Variants in SYNPO2 observed in about 807,000 individuals in gnomAD.
SYNPO2 encodes the protein synaptopodin-2.
A neutral mutation model predicts 85.0 loss-of-function variants in SYNPO2; 56 were observed. The observed-to-expected ratio is 0.66, with a 90% CI of 0.53 to 0.82. The LOEUF is 0.82. Ranked by LOEUF, SYNPO2 falls within the 40% of genes least tolerant of loss-of-function variation. SYNPO2 has a pLI of 0.00. For missense variants in SYNPO2, 1,575 were observed against 1,534.2 expected (o/e 1.03, Z -0.44); for synonymous variants, 602 against 591.1 (o/e 1.02, Z -0.27).
chr4:118,972,103 C>T (rs191588304), intron 1 of SYNPO2, among the ~76,000 whole-genome samples: 78 of 152,230 alleles, frequency 5.1e-4, no homozygotes, highest in Admixed American at 2.5e-3. Context: ...TTCCTCAGAA[C>T]ATAAAAGAAA....
chr4:118,886,252 T>A (rs954867857), upstream of SYNPO2, among the ~76,000 whole-genome samples: 8 of 152,100 alleles, frequency 5.3e-5, no homozygotes, highest in Non-Finnish European at 8.8e-5. Flanking sequence ...TTTTTAAAAA[T>A]TTTTACTTTA....
rs527573432 is a variant in SYNPO2, at chr4:118,893,600, T to C, written c.105+4459T>C. Among the ~76,000 whole-genome samples, 3 of 152,282 alleles carry C rather than the reference T, an allele frequency of 2.0e-5. No homozygotes were observed. In the South Asian group the frequency reaches 6.2e-4, roughly 32 times the overall value. On this transcript the variant is annotated intron_variant, in intron 1 of 4. Transcript: ENST00000307142. ...CCGAGAGGATAAAAGTAGGTTAAAG[T>C]GGTCCCAAAAGGAAAGATTATTTAA...
At chr4:119,033,718 T>A (rs1738378346) in intron 4 of SYNPO2, 1 of 985,226 alleles carries the variant, frequency 1.0e-6, no homozygotes, top group Non-Finnish European at 1.2e-6. Context: ...TATTAAAATA[T>A]TACTGTCTCC....
At chr4:119,011,016 C>T (rs2149178780) in intron 1 of SYNPO2, among the ~76,000 whole-genome samples, 1 of 152,336 alleles carries the variant, frequency 6.6e-6, no homozygotes, top group East Asian at 1.9e-4. Context: ...AGGCTCTCCT[C>T]AATCTGAAAT....
At chr4:119,012,047 T>G (rs1403891897) in intron 1 of SYNPO2, among the ~76,000 whole-genome samples, 2 of 151,572 alleles carry the variant, frequency 1.3e-5, no homozygotes, top group Non-Finnish European at 2.9e-5. Context: ...CTCAGCCTTC[T>G]GAGTAGCTAG....
intron 2 of SYNPO2, among the ~76,000 whole-genome samples, chr4:119,023,971 C>A (rs1737837833): frequency 1.3e-5 from 2 of 152,004 alleles, no homozygotes; most frequent in Admixed American, 1.3e-4. Flanking sequence ...AATATTAGAC[C>A]ATTAAACTGT....
intron 1 of SYNPO2, among the ~76,000 whole-genome samples, chr4:118,927,002 C>A (rs1197667529): frequency 1.3e-5 from 2 of 152,182 alleles, no homozygotes; most frequent in Non-Finnish European, 2.9e-5. Flanking sequence ...GGCACCCCTG[C>A]TCATCAATTG....
intron 4 of SYNPO2, chr4:119,038,373 A>AG (rs1408794624): frequency 1.8e-5 from 18 of 984,748 alleles, no homozygotes; most frequent in Non-Finnish European, 2.2e-5. Context: ...TATTAGTAAA[A>AG]AAAAAAAATG....
intron 3 of SYNPO2, among the ~76,000 whole-genome samples, chr4:119,028,110 T>C (rs1193833129): frequency 6.6e-6 from 1 of 152,186 alleles, no homozygotes; most frequent in East Asian, 1.9e-4. Context: ...TTCAGTGCTT[T>C]GTATGGCATT....
rs1015493249 is a variant in SYNPO2 at position 119,030,882 on chromosome 4, A to G, written c.2107A>G (p.Lys703Glu). Reference sequence around the variant, plus strand: ...ACCCATGTTTACTTTTAAAGAGCCCAAAGTAAGCCCAAATCCTGAACTCTT... The same window carrying G: ...ACCCATGTTTACTTTTAAAGAGCCCGAAGTAAGCCCAAATCCTGAACTCTT... Reference protein sequence around the residue: ...TKPMFTFKEPKVSPNPELLSL... With the variant: ...TKPMFTFKEPEVSPNPELLSL... The change falls in exon 4 of 5, where the codon AAA becomes GAA. Residue 703 changes from lysine (K) to glutamate (E), a missense_variant. Transcript: ENST00000307142. The G allele has an allele frequency of 6.2e-7, 1 of 1,614,208 alleles. No homozygotes were observed. The highest frequency in any genetic ancestry group is 1.3e-5 in the African/African-American group (1 of 75,054).
chr4:118,863,203 T>C (rs907653885), intron 1 of SYNPO2, among the ~76,000 whole-genome samples: 1 of 152,246 alleles, frequency 6.6e-6, no homozygotes, highest in African/African-American at 2.4e-5. Flanking sequence ...TCCCTTCTCC[T>C]CTATTTTTCG....
intron 1 of SYNPO2, among the ~76,000 whole-genome samples, chr4:118,908,880 A>C (rs2149122884): frequency 6.6e-6 from 1 of 152,340 alleles, no homozygotes; most frequent in Non-Finnish European, 1.5e-5. Flanking sequence ...AATATAGTTT[A>C]CAGAATTTAG....
At chr4:118,965,642 A>AT (rs766654393) in intron 1 of SYNPO2, among the ~76,000 whole-genome samples, 1 of 152,120 alleles carries the variant, frequency 6.6e-6, no homozygotes, top group Non-Finnish European at 1.5e-5. Flanking sequence ...ACTATGATTC[A>AT]TTTATTCAGT....
intron 1 of SYNPO2, among the ~76,000 whole-genome samples, chr4:118,951,593 T>C (rs1734698572): frequency 1.3e-5 from 2 of 152,220 alleles, no homozygotes; most frequent in South Asian, 4.1e-4. Context: ...AGTTTTGTTA[T>C]TGTTGTAGTT....
intron 1 of SYNPO2, among the ~76,000 whole-genome samples, chr4:118,874,125 A>T (rs1277511706): frequency 2.0e-5 from 3 of 152,234 alleles, no homozygotes; most frequent in African/African-American, 7.2e-5. Context: ...ATAGCCTTGT[A>T]GTATAATTTG....
chr4:118,928,101 A>G (rs1224531842), intron 1 of SYNPO2, among the ~76,000 whole-genome samples: 1 of 152,150 alleles, frequency 6.6e-6, no homozygotes, highest in Admixed American at 6.6e-5. Context: ...GAGCTTTCAA[A>G]CAAGCCTAGA....
chr4:118,850,744 G>T, exon 1 of SYNPO2: 1 of 398,628 alleles, frequency 2.5e-6, no homozygotes, highest in South Asian at 1.3e-4. Context: ...GAGAGAAGGT[G>T]AAGTAAAGAT....
At chr4:118,971,285 C>T (rs1208030800) in intron 1 of SYNPO2, among the ~76,000 whole-genome samples, 1 of 152,170 alleles carries the variant, frequency 6.6e-6, no homozygotes, top group Non-Finnish European at 1.5e-5. Context: ...GAACCCATGA[C>T]TCTTAAGAAC....
intron 4 of SYNPO2, chr4:119,032,929 T>TTGGA: frequency 2.2e-6 from 2 of 905,324 alleles, no homozygotes; most frequent in Non-Finnish European, 2.6e-6. Context: ...AAAGGTTGAT[T>TTGGA]CCCACCCTCC....
Sources: gnomAD v4.1 joint callset for allele counts (sites outside exome capture counted in the v4.1 genomes callset) on GRCh38, gnomAD v4.1.1 for gene constraint, MANE v1.5 for transcripts, NCBI Gene and HGNC (gene_info 2026-07-23, HGNC 2026-07-21) for gene names.